NEBL: variants seen among roughly 807,000 people sequenced by gnomAD.
The protein encoded by NEBL is LIM and SH3 protein 2.
NEBL carries 122 observed loss-of-function variants against 140.2 expected under a neutral mutation model. The observed-to-expected ratio is 0.87, with a 90% CI of 0.75 to 1.01. The LOEUF is 1.01. NEBL is among the 50% of genes least tolerant of loss of function. NEBL has a pLI of 0.00. For synonymous variants in NEBL, 436 were observed against 398.9 expected (o/e 1.09, Z -1.11); for missense variants, 1,365 against 1,231.3 (o/e 1.11, Z -1.62).
chr10:21,104,620 T>A (rs1209762628), intron 2 of NEBL, among the ~76,000 whole-genome samples: 3 of 152,230 alleles, frequency 2.0e-5, no homozygotes, highest in Non-Finnish European at 4.4e-5. Flanking sequence ...TCAGTTGATT[T>A]TTTTTTCAGA....
At chr10:21,177,629 A>C (rs1841324205), upstream of NEBL, among the ~76,000 whole-genome samples, 2 of 151,084 alleles carry the variant, frequency 1.3e-5, no homozygotes. Context: ...TCCCGGGTTC[A>C]CTCCATTCTC....
At chr10:21,057,150 C>T (rs1235290632) in intron 2 of NEBL, among the ~76,000 whole-genome samples, 1 of 152,192 alleles carries the variant, frequency 6.6e-6, no homozygotes, top group African/African-American at 2.4e-5. Flanking sequence ...TGTCCCAGAT[C>T]TTATGCCGGG....
intron 2 of NEBL, among the ~76,000 whole-genome samples, chr10:21,027,048 C>T (rs572691705): frequency 6.6e-6 from 1 of 152,288 alleles, no homozygotes; most frequent in Admixed American, 6.5e-5. Context: ...TGTGGCTCTG[C>T]TGGAACAAGC....
chr10:20,905,255 A>C (rs1170059882), intron 4 of NEBL, among the ~76,000 whole-genome samples: 1 of 152,236 alleles, frequency 6.6e-6, no homozygotes, highest in Non-Finnish European at 1.5e-5. Context: ...CCATAGCAAG[A>C]AGATTTAGCA....
chr10:20,970,154 G>A (rs1424757906), intron 3 of NEBL, among the ~76,000 whole-genome samples: 5 of 152,132 alleles, frequency 3.3e-5, no homozygotes, highest in Non-Finnish European at 4.4e-5. Context: ...ATAGTAATGA[G>A]TGTTTTACAT....
intron 23 of NEBL, among the ~76,000 whole-genome samples, chr10:20,813,348 A>G: frequency 6.6e-6 from 1 of 152,020 alleles, no homozygotes; most frequent in Non-Finnish European, 1.5e-5. Flanking sequence ...TGAAAATGGC[A>G]TTATTTAAAA....
intron 2 of NEBL, among the ~76,000 whole-genome samples, chr10:21,138,348 A>G (rs1564524341): frequency 6.6e-6 from 1 of 152,204 alleles, no homozygotes; most frequent in Non-Finnish European, 1.5e-5. Flanking sequence ...AACACAAAGA[A>G]GCCCAGAAGG....
At chr10:21,015,957 G>A (rs1838538814) in intron 3 of NEBL, among the ~76,000 whole-genome samples, 1 of 152,218 alleles carries the variant, frequency 6.6e-6, no homozygotes, top group Admixed American at 6.5e-5. Flanking sequence ...AATGAGATGA[G>A]CCACTCCCAA....
intron 4 of NEBL, among the ~76,000 whole-genome samples, chr10:20,934,809 G>T (rs1019867196): frequency 6.6e-6 from 1 of 152,138 alleles, no homozygotes; most frequent in African/African-American, 2.4e-5. Flanking sequence ...ACTCATACAA[G>T]GTGCAACCAC....
intron 1 of NEBL, among the ~76,000 whole-genome samples, chr10:21,282,412 C>T (rs1012210811): frequency 1.3e-5 from 2 of 152,054 alleles, no homozygotes; most frequent in Admixed American, 6.6e-5. Context: ...AAGGGAGGGA[C>T]GGCTACCATA....
intron 2 of NEBL, among the ~76,000 whole-genome samples, chr10:21,071,409 T>C (rs184919896): frequency 1.3e-5 from 2 of 152,152 alleles, no homozygotes; most frequent in East Asian, 3.9e-4. Flanking sequence ...TTTTCCCCTT[T>C]CAAAGCCCTA....
At chr10:21,092,226 CCATT>C (rs550469865) in intron 2 of NEBL, among the ~76,000 whole-genome samples, 8 of 152,022 alleles carry the variant, frequency 5.3e-5, no homozygotes, top group East Asian at 1.9e-4. Context: ...TACGGGTGTG[CCATT>C]CATTCATTCA....
At chr10:20,824,032 T>C (rs992940693) in intron 18 of NEBL, among the ~76,000 whole-genome samples, 2 of 152,094 alleles carry the variant, frequency 1.3e-5, no homozygotes, top group African/African-American at 2.4e-5. Flanking sequence ...ATCAGGCAAA[T>C]GGTAATACAA....
chr10:21,124,560 A>G (rs1414636108), intron 2 of NEBL, among the ~76,000 whole-genome samples: 2 of 152,204 alleles, frequency 1.3e-5, no homozygotes, highest in African/African-American at 2.4e-5. Context: ...AGCAGAACCC[A>G]CCACCCAACC....
intron 7 of NEBL, chr10:20,868,193 T>C (rs1844516085): frequency 6.5e-6 from 1 of 153,880 alleles, no homozygotes; most frequent in Non-Finnish European, 1.4e-5. Context: ...TCTTATTTTA[T>C]GCTCTTTGAT....
chr10:21,282,850 C>T (rs1224462510), intron 1 of NEBL, among the ~76,000 whole-genome samples: 3 of 152,076 alleles, frequency 2.0e-5, no homozygotes, highest in East Asian at 1.9e-4. Flanking sequence ...ATAGGCAGGG[C>T]GCAGTGGCTC....
chr10:20,962,559 C>A (rs1274519965), intron 3 of NEBL, among the ~76,000 whole-genome samples: 1 of 152,180 alleles, frequency 6.6e-6, no homozygotes, highest in East Asian at 1.9e-4. Flanking sequence ...CCTCGGAGGA[C>A]TGGAACAGCT....
At chr10:21,148,242 G>T (rs1239468665) in intron 2 of NEBL, among the ~76,000 whole-genome samples, 1 of 152,216 alleles carries the variant, frequency 6.6e-6, no homozygotes, top group African/African-American at 2.4e-5. Flanking sequence ...GTATACTCCT[G>T]TGATATTATG....
At chr10:21,112,986 C>A in intron 2 of NEBL, 2 of 297,904 alleles carry the variant, frequency 6.7e-6, no homozygotes, top group South Asian at 3.5e-5. Context: ...TAACAAGTTT[C>A]CACAGAAAAA....
Sources: gnomAD v4.1 joint callset for allele counts (sites outside exome capture counted in the v4.1 genomes callset) on GRCh38, gnomAD v4.1.1 for gene constraint, MANE v1.5 for transcripts, NCBI Gene and HGNC (gene_info 2026-07-23, HGNC 2026-07-21) for gene names.